SLC4A7: variants seen among roughly 807,000 people sequenced by gnomAD.
SLC4A7 encodes the protein solute carrier family 4 member 7.
SLC4A7 carries 51 observed loss-of-function variants against 137.6 expected under a neutral mutation model. The observed-to-expected ratio is 0.37, with a 90% CI of 0.30 to 0.47. The LOEUF is 0.47. SLC4A7 is among the 20% of genes least tolerant of loss of function. The pLI is 1.00. For synonymous variants in SLC4A7, 542 were observed against 518.6 expected, an observed-to-expected ratio of 1.05 and a Z score of -0.61; for missense variants, 1,247 against 1,525.4, an observed-to-expected ratio of 0.82 and a Z score of 3.04.
At chr3:27,386,689 A>G (rs2050990707) in intron 22 of SLC4A7, among the ~76,000 whole-genome samples, 1 of 152,140 alleles carries the variant, frequency 6.6e-6, no homozygotes. Flanking sequence ...ACTGTTTTTT[A>G]TACTTTTTGA....
intron 1 of SLC4A7, among the ~76,000 whole-genome samples, chr3:27,458,862 C>A (rs754018272): frequency 3.9e-5 from 6 of 152,128 alleles, no homozygotes; most frequent in Non-Finnish European, 7.3e-5. Context: ...CAGTGGTGCC[C>A]ACCTGTAACC....
chr3:27,423,430 T>G (rs2055200852), intron 8 of SLC4A7, among the ~76,000 whole-genome samples: 1 of 152,242 alleles, frequency 6.6e-6, no homozygotes, highest in African/African-American at 2.4e-5. Context: ...CAATTTGAAC[T>G]TAGTAGTCTT....
At chr3:27,380,461 A>G (rs1052148336) in intron 24 of SLC4A7, among the ~76,000 whole-genome samples, 2 of 152,220 alleles carry the variant, frequency 1.3e-5, no homozygotes, top group South Asian at 2.1e-4. Context: ...ATTGTCCATC[A>G]TAAGTAATAG....
At chr3:27,407,341 G>GT (rs2053475496) in intron 13 of SLC4A7, among the ~76,000 whole-genome samples, 1 of 151,802 alleles carries the variant, frequency 6.6e-6, no homozygotes, top group Non-Finnish European at 1.5e-5. Flanking sequence ...TGAGCCCGCC[G>GT]TGGTGGTGGG....
At chr3:27,413,825 C>G (rs2054132707) in intron 11 of SLC4A7, among the ~76,000 whole-genome samples, 1 of 152,152 alleles carries the variant, frequency 6.6e-6, no homozygotes, top group Non-Finnish European at 1.5e-5. Context: ...AAAGCCCATG[C>G]TACTTAACAC....
At position 27,374,616 on chromosome 3, in the gene SLC4A7, GC is replaced by G. The variant is rs1158274352; in HGVS notation, c.*2147del. 6.6e-6 allele frequency: 1 copy of G among 152,484 alleles called. No individual in the cohort carries two copies. The highest frequency in any genetic ancestry group is 1.9e-4 in the East Asian group (1 of 5,196). 9.4% of individuals were successfully genotyped at this position (152,484 alleles called of 1,614,324 possible). On this transcript the variant is annotated 3_prime_UTR_variant, in exon 26 of 26. Transcript: ENST00000454389. ...AAGCAGAAACCAGTAACATTTAGAA[GC>G]ATTGTAAAAACATTTTGAGTGCAAA...
At chr3:27,384,696 C>T (rs1476226024) in intron 23 of SLC4A7, among the ~76,000 whole-genome samples, 1 of 152,112 alleles carries the variant, frequency 6.6e-6, no homozygotes, top group Non-Finnish European at 1.5e-5. Context: ...GGCACAGTGG[C>T]TCACGTCTAT....
At chr3:27,402,858 T>A (rs763268119) in intron 15 of SLC4A7, among the ~76,000 whole-genome samples, 44 of 103,194 alleles carry the variant, frequency 4.3e-4, no homozygotes, top group Non-Finnish European at 1.0e-4. Flanking sequence ...CAGTTGCCAA[T>A]CAAATTTAAA....
Position 27,376,765 on chromosome 3 carries a change from T to C in SLC4A7, c.3779A>G (p.Ter1260TrpextTer2), listed in dbSNP as rs901250845. Residue 1260 changes from the stop codon to tryptophan (W), a stop_lost, in exon 26 of 26, where the codon TAG becomes TGG. Coordinates refer to ENST00000454389, the MANE Select transcript of SLC4A7 (RefSeq NM_001321103.2). ...KKYVDAETSL* is the reference protein window; with the variant it reads ...KKYVDAETSLW ...TGTATAATGCCTCTTGGTTCAATTC[T>C]ATAATGAAGTTTCAGCATCCACGTA... 9 of 1,580,308 alleles carry C rather than the reference T, an allele frequency of 5.7e-6. No homozygotes were observed. In the African/African-American group the frequency reaches 1.2e-4, roughly 21 times the overall value.
At chr3:27,482,474 C>G (rs916594263) in intron 1 of SLC4A7, among the ~76,000 whole-genome samples, 1 of 152,088 alleles carries the variant, frequency 6.6e-6, no homozygotes, top group South Asian at 2.1e-4. Context: ...AAAGGCTACA[C>G]AAAGAATTAC....
intron 1 of SLC4A7, among the ~76,000 whole-genome samples, chr3:27,479,404 T>C (rs2059616269): frequency 1.4e-5 from 2 of 147,242 alleles, no homozygotes; most frequent in Admixed American, 1.4e-4. Context: ...ACCCTGAGGA[T>C]GAGACCCTGC....
intron 24 of SLC4A7, among the ~76,000 whole-genome samples, chr3:27,382,783 G>A (rs527573097): frequency 3.3e-5 from 5 of 152,034 alleles, no homozygotes; most frequent in Non-Finnish European, 7.4e-5. Flanking sequence ...AGCACCCACC[G>A]ACCCCAGCCC....
intron 1 of SLC4A7, chr3:27,456,728 TC>T (rs1430209148): frequency 1.2e-6 from 2 of 1,603,012 alleles, no homozygotes; most frequent in Non-Finnish European, 1.7e-6. Context: ...ATGCAGTAAC[TC>T]CCTTGAAGAT....
intron 4 of SLC4A7, 23 bp from the exon 5 acceptor site, chr3:27,436,571 T>C: frequency 6.8e-7 from 1 of 1,478,670 alleles, no homozygotes; most frequent in Non-Finnish European, 9.3e-7. Context: ...TGTATAAAAA[T>C]ATTTTATAAG....
intron 1 of SLC4A7, among the ~76,000 whole-genome samples, chr3:27,477,300 T>C (rs898301670): frequency 1.3e-5 from 2 of 152,248 alleles, no homozygotes; most frequent in African/African-American, 4.8e-5. Context: ...GAACAGCAGC[T>C]AACTTTTTAG....
rs376321311 is a variant in SLC4A7 at position 27,418,605 on chromosome 3, T to C, written c.1540A>G (p.Lys514Glu). 1 of 1,596,714 alleles carries C rather than the reference T, an allele frequency of 6.3e-7. No homozygotes were observed. Among genetic ancestry groups the C allele is most frequent in the Non-Finnish European group, 8.6e-7 (1 of 1,166,964 alleles). Residue 514 changes from lysine to glutamate, a missense_variant, in exon 11 of 26, where the codon AAA (lysine) becomes GAA (glutamate). Physicochemically the swap from Lys to Glu is moderately conservative, Grantham distance 56 (BLOSUM62 1). Transcript: ENST00000454389. ...CCAGATAAGAGGTCATTTCTGTCTT[T>C]TGCTTTATAAGCTACATCATGGAAA... ...EIFHDVAYKA[K>E]DRNDLLSGID...
chr3:27,436,578 T>C, intron 4 of SLC4A7, 30 bp from the exon 5 acceptor site: 2 of 1,415,404 alleles, frequency 1.4e-6, no homozygotes, highest in Non-Finnish European at 2.0e-6. Context: ...AAATATTTTA[T>C]AAGTAATGAA....
intron 16 of SLC4A7, among the ~76,000 whole-genome samples, chr3:27,398,614 C>T (rs761176670): frequency 2.0e-5 from 3 of 152,168 alleles, no homozygotes; most frequent in Admixed American, 6.5e-5. Flanking sequence ...CAAGTCACTT[C>T]AAATACTCCT....
chr3:27,390,164 AGAATCT>A, intron 21 of SLC4A7, 60 bp from the exon 22 acceptor site: 3 of 1,007,260 alleles, frequency 3.0e-6, no homozygotes, highest in Non-Finnish European at 4.5e-6. Context: ...ATTTAGGAGA[AGAATCT>A]ATACTCAACT....
Sources: gnomAD v4.1 joint callset for allele counts (sites outside exome capture counted in the v4.1 genomes callset) on GRCh38, gnomAD v4.1.1 for gene constraint, MANE v1.5 for transcripts, NCBI Gene and HGNC (gene_info 2026-07-23, HGNC 2026-07-21) for gene names.